Variants in PCAT7 observed in about 807,000 individuals in gnomAD.
PCAT7 encodes the protein prostate cancer associated transcript 7 (non-protein coding).
chr9:94,566,797 C>T (rs557283663), intron 2 of PCAT7, among the ~76,000 whole-genome samples: 1 of 152,326 alleles, frequency 6.6e-6, no homozygotes, highest in Admixed American at 6.5e-5. Context: ...TGAAGCCTTA[C>T]AAAAGCATCT....
intron 1 of PCAT7, chr9:94,558,901 C>G: frequency 6.3e-7 from 1 of 1,598,304 alleles, no homozygotes; most frequent in Non-Finnish European, 8.6e-7. Flanking sequence ...AGACAAGGTG[C>G]AAGACAAACA....
intron 2 of PCAT7, among the ~76,000 whole-genome samples, chr9:94,567,057 A>G (rs929203059): frequency 2.6e-5 from 4 of 152,220 alleles, no homozygotes; most frequent in African/African-American, 9.6e-5. Context: ...AAAAACTCAA[A>G]TGTAAAGATA....
At chr9:94,561,945 G>C (rs558096617) in intron 2 of PCAT7, among the ~76,000 whole-genome samples, 1 of 152,316 alleles carries the variant, frequency 6.6e-6, no homozygotes, top group East Asian at 1.9e-4. Flanking sequence ...ACGATCATTT[G>C]AATAATTAGT....
rs1331232471 is a variant in PCAT7, at chr9:94,562,362, C to T, written n.441+3210C>T. Among the ~76,000 whole-genome samples, 4 of 151,614 alleles carry T rather than the reference C, an allele frequency of 2.6e-5. No individual in the cohort carries two copies. The East Asian group carries it at 7.8e-4, about 29-fold the overall frequency. ...GTCCATTGTCCATGTCTTCTACTTG[C>T]CTCACTTAGTCCTCCATGGTGCTTA... On this transcript the variant is annotated intron_variant and non_coding_transcript_variant, in intron 2 of 8. Coordinates refer to ENST00000647389, the Ensembl canonical transcript of PCAT7.
intron 2 of PCAT7, chr9:94,570,308 G>C (rs185050026): frequency 6.6e-6 from 1 of 152,346 alleles, no homozygotes; most frequent in Admixed American, 6.5e-5. Context: ...TAGTGTGGTA[G>C]AGTAATTAAA....
intron 2 of PCAT7, among the ~76,000 whole-genome samples, chr9:94,562,280 A>G (rs1354363238): frequency 6.9e-6 from 1 of 143,894 alleles, no homozygotes; most frequent in East Asian, 2.1e-4. Flanking sequence ...ACTGCACTCC[A>G]GCCTGGGCGA....
chr9:94,556,753 C>T (rs757538978), intron 1 of PCAT7, among the ~76,000 whole-genome samples: 4 of 152,126 alleles, frequency 2.6e-5, no homozygotes, highest in Non-Finnish European at 5.9e-5. Flanking sequence ...TTGAAAATTC[C>T]TTGTCCTAAC....
chr9:94,559,154 T>C, intron 2 of PCAT7: 1 of 1,600,738 alleles, frequency 6.2e-7, no homozygotes, highest in Non-Finnish European at 8.5e-7. Flanking sequence ...CAGAGGCAGG[T>C]GAGTAAACTC....
At chr9:94,572,789 C>T (rs1587841657) in intron 2 of PCAT7, among the ~76,000 whole-genome samples, 1 of 152,176 alleles carries the variant, frequency 6.6e-6, no homozygotes, top group African/African-American at 2.4e-5. Flanking sequence ...ATCCTATACA[C>T]ATTTTTTGGA....
intron 2 of PCAT7, among the ~76,000 whole-genome samples, chr9:94,562,309 C>CAAA (rs397893359): frequency 4.3e-4 from 31 of 72,080 alleles, no homozygotes; most frequent in African/African-American, 5.7e-4. Flanking sequence ...GACTCCATCT[C>CAAA]AAAAAAAAAA....
chr9:94,557,772 C>A (rs1228549462), intron 1 of PCAT7, among the ~76,000 whole-genome samples: 1 of 152,162 alleles, frequency 6.6e-6, no homozygotes, highest in Admixed American at 6.5e-5. Flanking sequence ...TTAAATACTT[C>A]TGGATTTGAT....
In PCAT7 at chr9:94,571,219, G is replaced by C. The variant is rs576492719; in HGVS notation, n.442-1760G>C. 3.9e-5 allele frequency among the ~76,000 whole-genome samples: 6 copies of C among 152,272 alleles called. No individual in the cohort carries two copies. In the South Asian group the frequency reaches 1.2e-3, roughly 32 times the overall value. On this transcript the variant is annotated intron_variant and non_coding_transcript_variant, in intron 2 of 8. Transcript: ENST00000647389. ...CATTTTTGGAAAATGAGCTCCTTAA[G>C]GAGAGGGCCTGAGTTGATGCAACTG...
At chr9:94,570,098 T>C (rs1827251254) in intron 2 of PCAT7, 1 of 152,210 alleles carries the variant, frequency 6.6e-6, no homozygotes, top group Non-Finnish European at 1.5e-5. Context: ...CCTTCTGTCA[T>C]GTTGACAAGC....
chr9:94,557,167 C>G (rs7855117), intron 1 of PCAT7, among the ~76,000 whole-genome samples: 6,395 of 152,122 alleles, frequency 0.042, 439 homozygotes, highest in African/African-American at 0.15. Context: ...TAGTGTGATG[C>G]CTCCAGCTTT....
At position 94,571,656 on chromosome 9, in the gene PCAT7, C is replaced by G. The variant is rs1564183531; in HGVS notation, n.442-1323C>G. On this transcript the variant is annotated intron_variant and non_coding_transcript_variant, in intron 2 of 8. Transcript: ENST00000647389. ...GTTATTGTTGTCTCTGGAGAGAACA[C>G]TTTGCCAGGGGCCTGGGCTTCAGAT... 6 of 1,504,186 alleles carry G rather than the reference C, an allele frequency of 4.0e-6. No individual in the cohort carries two copies. The East Asian group carries it at 1.2e-4, about 29-fold the overall frequency. 93.2% of individuals were successfully genotyped at this position (1,504,186 alleles called of 1,614,324 possible).
intron 2 of PCAT7, chr9:94,569,239 G>C (rs987996514): frequency 6.6e-6 from 1 of 152,298 alleles, no homozygotes; most frequent in Non-Finnish European, 1.5e-5. Flanking sequence ...CTGAGTGAGA[G>C]GCGCAGCACT....
At chr9:94,561,350 G>GTCTTT (rs1463916724) in intron 2 of PCAT7, among the ~76,000 whole-genome samples, 1 of 59,796 alleles carries the variant, frequency 1.7e-5, no homozygotes, top group Non-Finnish European at 3.8e-5. Flanking sequence ...CATGTGACCT[G>GTCTTT]TATTTTTTTT....
chr9:94,559,067 G>A, exon 2 of PCAT7: 1 of 1,614,112 alleles, frequency 6.2e-7, no homozygotes, highest in Non-Finnish European at 8.5e-7. Context: ...GGGTCCCCGT[G>A]GTCGCCAAGC....
rs373649987 is a variant in PCAT7 at position 94,570,053 on chromosome 9, A to G, written n.442-2926A>G. 4.6e-5 allele frequency: 7 copies of G among 152,318 alleles called. No homozygotes were observed. The East Asian group carries it at 9.6e-4, about 21-fold the overall frequency. 9.4% of individuals were successfully genotyped at this position (152,318 alleles called of 1,614,324 possible). A position where few individuals can be genotyped will look rare whatever the true frequency, so the allele number is the denominator to read the frequency against. The stretch of plus-strand genomic sequence containing the variant: ...ATCCAAAGGGGTTTCAGGCTAATAC[A>G]TAGAGATCCGGAAAGATGCTATGGT... On this transcript the variant is annotated intron_variant and non_coding_transcript_variant, in intron 2 of 8. Transcript: ENST00000647389.
Sources: gnomAD v4.1 joint callset for allele counts (sites outside exome capture counted in the v4.1 genomes callset) on GRCh38, gnomAD v4.1.1 for gene constraint, MANE v1.5 for transcripts, NCBI Gene and HGNC (gene_info 2026-07-23, HGNC 2026-07-21) for gene names.